The following PLCL1 variants were observed in gnomAD, a reference collection of about 807,000 sequenced individuals.
The protein encoded by PLCL1 is inactive phospholipase C-like protein 1.
PLCL1 carries 41 observed loss-of-function variants against 84.4 expected under a neutral mutation model. The observed-to-expected ratio is 0.49, with a 90% CI of 0.38 to 0.63. The LOEUF is 0.63. Ranked by LOEUF, PLCL1 falls within the 30% of genes least tolerant of loss-of-function variation. The probability of loss-of-function intolerance (pLI) is 0.00; values close to 1 mark genes in which losing one functional copy is unlikely to be tolerated. For missense variants in PLCL1, 1,206 were observed against 1,367.8 expected, an observed-to-expected ratio of 0.88 and a Z score of 1.87; for synonymous variants, 490 against 488.3, an observed-to-expected ratio of 1.00 and a Z score of -0.05.
chr2:197,923,321 T>C (rs1474692833), intron 1 of PLCL1, among the ~76,000 whole-genome samples: 26 of 135,194 alleles, frequency 1.9e-4, no homozygotes, highest in African/African-American at 6.5e-4. Context: ...ACTTCCCAGA[T>C]GGGGTGGCTG....
At chr2:197,995,971 G>A (rs924324564) in intron 1 of PLCL1, among the ~76,000 whole-genome samples, 4 of 152,198 alleles carry the variant, frequency 2.6e-5, no homozygotes, top group Non-Finnish European at 4.4e-5. Flanking sequence ...AGAAACAAGT[G>A]CCTCTGCAAA....
At chr2:198,034,077 T>C (rs1402744039) in intron 1 of PLCL1, among the ~76,000 whole-genome samples, 1 of 152,218 alleles carries the variant, frequency 6.6e-6, no homozygotes, top group African/African-American at 2.4e-5. Flanking sequence ...ACATGTACCA[T>C]GTTGGTGTCC....
chr2:198,068,721 G>A (rs1449543719), intron 1 of PLCL1, among the ~76,000 whole-genome samples: 1 of 152,168 alleles, frequency 6.6e-6, no homozygotes, highest in East Asian at 1.9e-4. Flanking sequence ...CAAGTGTGAT[G>A]TTTATTCCAT....
At chr2:197,973,089 C>A (rs1689903277) in intron 1 of PLCL1, among the ~76,000 whole-genome samples, 1 of 152,146 alleles carries the variant, frequency 6.6e-6, no homozygotes, top group Non-Finnish European at 1.5e-5. Flanking sequence ...GGTGACTCTG[C>A]CTAATGAGGT....
At chr2:197,834,212 C>T (rs901761810) in intron 1 of PLCL1, among the ~76,000 whole-genome samples, 1 of 152,064 alleles carries the variant, frequency 6.6e-6, no homozygotes, top group African/African-American at 2.4e-5. Flanking sequence ...CATAAAAAAC[C>T]TAGGCAATAC....
chr2:197,983,402 A>T (rs1690158776), intron 1 of PLCL1, among the ~76,000 whole-genome samples: 1 of 150,744 alleles, frequency 6.6e-6, no homozygotes, highest in African/African-American at 2.4e-5. Flanking sequence ...GCTAATTTTT[A>T]AAAAACTTTT....
chr2:197,863,052 G>T (rs115186223), intron 1 of PLCL1, among the ~76,000 whole-genome samples: 1 of 152,142 alleles, frequency 6.6e-6, no homozygotes, highest in South Asian at 2.1e-4. Flanking sequence ...AATTAGAGAC[G>T]GTTGTTAGAA....
At chr2:198,002,093 A>G (rs1361012181) in intron 1 of PLCL1, 2 of 286,346 alleles carry the variant, frequency 7.0e-6, no homozygotes. Context: ...TGCTTAAATC[A>G]TCCCAAAACC....
At chr2:197,866,144 ATATATATATATAAAC>A (rs1687534211) in intron 1 of PLCL1, among the ~76,000 whole-genome samples, 3 of 46,778 alleles carry the variant, frequency 6.4e-5, no homozygotes, top group East Asian at 3.7e-4. Context: ...TATATAAACT[ATATATATATATAAAC>A]TATATATATA....
At chr2:197,855,828 A>G (rs537326905) in intron 1 of PLCL1, among the ~76,000 whole-genome samples, 7 of 152,188 alleles carry the variant, frequency 4.6e-5, no homozygotes, top group African/African-American at 1.7e-4. Context: ...CAGTGGCTAA[A>G]TTGTTAATGT....
intron 1 of PLCL1, among the ~76,000 whole-genome samples, chr2:198,053,521 C>G (rs1299554699): frequency 6.6e-6 from 1 of 152,200 alleles, no homozygotes; most frequent in East Asian, 1.9e-4. Context: ...TTGTTAGCCT[C>G]CGGGTTGCCT....
chr2:197,976,782 T>G (rs1689990546), intron 1 of PLCL1, among the ~76,000 whole-genome samples: 1 of 152,224 alleles, frequency 6.6e-6, no homozygotes, highest in South Asian at 2.1e-4. Context: ...TTGCTCCTTA[T>G]AGGCACAACC....
At chr2:197,928,289 C>T (rs1009865525) in intron 1 of PLCL1, among the ~76,000 whole-genome samples, 2 of 152,112 alleles carry the variant, frequency 1.3e-5, no homozygotes, top group African/African-American at 4.8e-5. Context: ...GTTAAATCTC[C>T]TTGACTCTGT....
intron 1 of PLCL1, among the ~76,000 whole-genome samples, chr2:198,003,477 G>T (rs1976772): frequency 0.72 from 109,797 of 152,094 alleles, 40,490 homozygotes; most frequent in African/African-American, 0.87. Context: ...CTGGACTCTT[G>T]TATTGGTTCG....
intron 1 of PLCL1, among the ~76,000 whole-genome samples, chr2:197,977,269 C>T (rs1173107277): frequency 1.3e-5 from 2 of 152,188 alleles, no homozygotes; most frequent in East Asian, 3.9e-4. Flanking sequence ...TGGATCTTCC[C>T]ATTTCCCCCC....
In PLCL1 at chr2:198,147,316, C is replaced by T; in HGVS notation, c.*354C>T. 1 of 158,866 alleles carries T rather than the reference C, an allele frequency of 6.3e-6. No individual in the cohort carries two copies. The highest frequency in any genetic ancestry group is 1.8e-4 in the East Asian group (1 of 5,568). 9.8% of individuals were successfully genotyped at this position (158,866 alleles called of 1,614,324 possible). Reference sequence around the variant, plus strand: ...TGCATTATTCATTTAGTGAGTTATTCCTTGATCATTTTGGGACAATTGTTT... The same window carrying T: ...TGCATTATTCATTTAGTGAGTTATTTCTTGATCATTTTGGGACAATTGTTT... On this transcript the variant is annotated 3_prime_UTR_variant, in exon 6 of 6. Coordinates refer to ENST00000428675, the MANE Select transcript of PLCL1 (RefSeq NM_006226.4).
At chr2:198,056,161 A>G (rs545516546) in intron 1 of PLCL1, among the ~76,000 whole-genome samples, 5 of 152,178 alleles carry the variant, frequency 3.3e-5, no homozygotes, top group Admixed American at 1.3e-4. Flanking sequence ...TTTCAATAAC[A>G]TTTCTCTGTC....
chr2:197,894,213 T>C (rs1487428178), intron 1 of PLCL1, among the ~76,000 whole-genome samples: 1 of 151,980 alleles, frequency 6.6e-6, no homozygotes, highest in Non-Finnish European at 1.5e-5. Flanking sequence ...ATATTTAGCT[T>C]TGTCAACCTT....
intron 1 of PLCL1, among the ~76,000 whole-genome samples, chr2:198,011,900 C>T (rs1690876777): frequency 6.6e-6 from 1 of 152,068 alleles, no homozygotes; most frequent in African/African-American, 2.4e-5. Flanking sequence ...CTAATGTCTA[C>T]TTTGTTTGAT....
Sources: gnomAD v4.1 joint callset for allele counts (sites outside exome capture counted in the v4.1 genomes callset) on GRCh38, gnomAD v4.1.1 for gene constraint, MANE v1.5 for transcripts, NCBI Gene and HGNC (gene_info 2026-07-23, HGNC 2026-07-21) for gene names.